The following TIAM2 variants were observed in gnomAD, a reference collection of about 807,000 sequenced individuals.
The protein encoded by TIAM2 is rho guanine nucleotide exchange factor TIAM2.
Under a neutral mutation model 152.9 loss-of-function variants are expected in TIAM2, and 80 were observed. That is an observed-to-expected ratio of 0.52 (90% CI 0.44 to 0.63). The LOEUF (loss-of-function observed/expected upper bound fraction) is 0.63. Ranked by LOEUF, TIAM2 falls within the 30% of genes least tolerant of loss-of-function variation. The probability of loss-of-function intolerance (pLI) is 0.00; values close to 1 mark genes in which losing one functional copy is unlikely to be tolerated. For missense variants in TIAM2, 1,965 were observed against 2,120.1 expected, an observed-to-expected ratio of 0.93 and a Z score of 1.44; for synonymous variants, 804 against 838.0, an observed-to-expected ratio of 0.96 and a Z score of 0.70.
intron 7 of TIAM2, among the ~76,000 whole-genome samples, chr6:155,157,633 C>T (rs950357154): frequency 6.6e-6 from 1 of 151,968 alleles, no homozygotes; most frequent in Admixed American, 6.6e-5. Flanking sequence ...GTATAAGTAC[C>T]GTGCACTAAC....
intron 1 of TIAM2, among the ~76,000 whole-genome samples, chr6:155,025,542 C>A (rs1776584750): frequency 6.6e-6 from 1 of 151,884 alleles, no homozygotes; most frequent in Non-Finnish European, 1.5e-5. Context: ...TGGTCTTGAA[C>A]CCCTGACCTT....
rs190585912 is a variant in TIAM2, at chr6:155,018,918, T to G, written c.-209+23426T>G. 3.5e-3 allele frequency among the ~76,000 whole-genome samples: 523 copies of G among 149,142 alleles called. 5 individuals are homozygous for G. The highest frequency in any genetic ancestry group is 0.012 in the African/African-American group (494 of 40,340). On this transcript the variant is annotated intron_variant, in intron 1 of 26. Coordinates refer to ENST00000682666, the MANE Select transcript of TIAM2 (RefSeq NM_012454.4). ...AGCTGGGTCTGGTGGCAGGCACCTG[T>G]AATCCCAGCTACTTGGGAGGCTGAG...
At chr6:155,236,294 G>A (rs1044854565) in intron 15 of TIAM2, among the ~76,000 whole-genome samples, 2 of 151,830 alleles carry the variant, frequency 1.3e-5, no homozygotes, top group Non-Finnish European at 1.5e-5. Context: ...AGCAGAACGC[G>A]AGCTGTATGA....
intron 1 of TIAM2, among the ~76,000 whole-genome samples, chr6:154,997,331 G>A (rs1396067494): frequency 6.6e-6 from 1 of 152,112 alleles, no homozygotes; most frequent in South Asian, 2.1e-4. Context: ...ACACATTTTT[G>A]TATATACCTC....
intron 20 of TIAM2, 23 bp downstream of exon 20, chr6:155,248,202 G>C (rs576073973): frequency 1.6e-5 from 25 of 1,607,692 alleles, no homozygotes; most frequent in Non-Finnish European, 2.1e-5. Context: ...CGGCACCTCC[G>C]GGCGAGGGCC....
At position 155,257,190 on chromosome 6, in the gene TIAM2, C is replaced by CCAAA; in HGVS notation, c.*69_*70insCAAA. 1.8e-6 allele frequency: 1 copy of CCAAA among 543,898 alleles called. No homozygotes were observed. Among genetic ancestry groups the CCAAA allele is most frequent in the Non-Finnish European group, 2.8e-6 (1 of 358,878 alleles). 33.7% of individuals were successfully genotyped at this position (543,898 alleles called of 1,614,324 possible). ...TAAACTGGTGGTAAAGTGGAAATTG[C>CCAAA]AAAAAAAAAAAAAAAAAAAAACTGT... On this transcript the variant is annotated 3_prime_UTR_variant, in exon 27 of 27. Coordinates refer to ENST00000682666, the MANE Select transcript of TIAM2 (RefSeq NM_012454.4).
chr6:155,144,944 G>C (rs1562331207), intron 6 of TIAM2, among the ~76,000 whole-genome samples, 166 bp downstream of exon 6: 1 of 152,166 alleles, frequency 6.6e-6, no homozygotes, highest in Non-Finnish European at 1.5e-5. Context: ...AAGGGCACTG[G>C]GCCATCAGCA....
intron 1 of TIAM2, among the ~76,000 whole-genome samples, chr6:155,029,396 C>A (rs1246151061): frequency 2.1e-5 from 1 of 46,782 alleles, no homozygotes; most frequent in Non-Finnish European, 4.5e-5. Flanking sequence ...TATATATATA[C>A]TATAGTATAT....
Position 155,240,716 on chromosome 6 carries a change from G to A in TIAM2, c.3348+7G>A. On this transcript the variant is annotated splice_region_variant and intron_variant, in intron 16 of 26. Transcript: ENST00000682666. ...AGAGAAGTCCTACGTGAAGGTAAGG[G>A]AAGAGCTGGCATTTATGCATTCGTG... 6.2e-7 allele frequency: 1 copy of A among 1,606,022 alleles called. No homozygotes were observed. The highest frequency in any genetic ancestry group is 8.5e-7 in the Non-Finnish European group (1 of 1,176,664).
intron 9 of TIAM2, among the ~76,000 whole-genome samples, chr6:155,171,122 A>T (rs1160840601): frequency 1.3e-5 from 2 of 152,226 alleles, no homozygotes; most frequent in African/African-American, 2.4e-5. Context: ...TCTATAACAC[A>T]GAAAGGCTGT....
chr6:155,066,119 T>G (rs1198475980), intron 1 of TIAM2, among the ~76,000 whole-genome samples: 1 of 152,178 alleles, frequency 6.6e-6, no homozygotes, highest in Non-Finnish European at 1.5e-5. Context: ...TCCTGGGCCT[T>G]CTCCACTGAG....
At chr6:155,173,043 C>T (rs546129199) in intron 9 of TIAM2, among the ~76,000 whole-genome samples, 2 of 152,094 alleles carry the variant, frequency 1.3e-5, no homozygotes, top group East Asian at 1.9e-4. Flanking sequence ...TTACAACAAC[C>T]TAAGAGATCT....
intron 9 of TIAM2, among the ~76,000 whole-genome samples, chr6:155,167,745 C>T (rs73795335): frequency 0.095 from 14,496 of 152,246 alleles, 817 homozygotes; most frequent in Middle Eastern, 0.16. Context: ...CATCTTCCCA[C>T]CTCAACCTCC....
intron 2 of TIAM2, among the ~76,000 whole-genome samples, chr6:155,116,290 A>G (rs1424959912): frequency 3.3e-5 from 5 of 152,128 alleles, no homozygotes; most frequent in Non-Finnish European, 1.5e-5. Flanking sequence ...TGTTGTGAAT[A>G]CTCATATGAA....
intron 14 of TIAM2, among the ~76,000 whole-genome samples, chr6:155,193,593 G>A (rs1781262074): frequency 6.6e-6 from 1 of 152,004 alleles, no homozygotes; most frequent in Non-Finnish European, 1.5e-5. Context: ...AAAAATTGTG[G>A]TTCTTGAAAA....
At chr6:155,018,092 G>A (rs1042441721) in intron 1 of TIAM2, among the ~76,000 whole-genome samples, 1 of 151,958 alleles carries the variant, frequency 6.6e-6, no homozygotes, top group African/African-American at 2.4e-5. Context: ...TACATTATGG[G>A]CCGGGCACAG....
chr6:155,099,099 A>G (rs553080238), intron 2 of TIAM2, among the ~76,000 whole-genome samples: 1 of 137,436 alleles, frequency 7.3e-6, no homozygotes, highest in East Asian at 1.9e-4. Context: ...AGGCAGGAGG[A>G]TTGCTTGAAC....
intron 7 of TIAM2, among the ~76,000 whole-genome samples, chr6:155,152,094 C>G (rs1779985503): frequency 6.6e-6 from 1 of 152,154 alleles, no homozygotes. Flanking sequence ...CCGCTTGCCT[C>G]AGCCTCCCAA....
At chr6:155,081,676 C>T (rs62427482) in intron 1 of TIAM2, among the ~76,000 whole-genome samples, 1 of 152,192 alleles carries the variant, frequency 6.6e-6, no homozygotes, top group African/African-American at 2.4e-5. Flanking sequence ...ATAGGGATGG[C>T]TCAGCCTCCG....
Sources: allele counts gnomAD v4.1 joint callset (sites outside exome capture counted in the v4.1 genomes callset), GRCh38; gene constraint gnomAD v4.1.1; transcripts MANE v1.5; gene names NCBI Gene and HGNC (gene_info 2026-07-23, HGNC 2026-07-21).